Variants in DIAPH3 observed in about 807,000 individuals in gnomAD.
DIAPH3 encodes diaphanous related formin 3, also known as protein diaphanous homolog 3.
A neutral mutation model predicts 144.3 loss-of-function variants in DIAPH3; 117 were observed. The observed-to-expected ratio is 0.81, with a 90% CI of 0.70 to 0.95. The LOEUF (loss-of-function observed/expected upper bound fraction) is 0.95. Among genes scored for constraint, DIAPH3 ranks in the 40% least tolerant of loss-of-function variants. The pLI is 0.00. For synonymous variants in DIAPH3, 519 were observed against 488.9 expected, an observed-to-expected ratio of 1.06 and a Z score of -0.81; for missense variants, 1,421 against 1,412.7, an observed-to-expected ratio of 1.01 and a Z score of -0.09.
chr13:60,089,875 T>G (rs138516462), intron 4 of DIAPH3, among the ~76,000 whole-genome samples: 160 of 152,260 alleles, frequency 1.1e-3, no homozygotes, highest in African/African-American at 3.6e-3. Context: ...CCAGATTGAA[T>G]TAGAATTAAA....
intron 20 of DIAPH3, among the ~76,000 whole-genome samples, chr13:59,902,757 TG>T (rs776738488): frequency 1.3e-5 from 2 of 152,080 alleles, no homozygotes; most frequent in East Asian, 3.8e-4. Flanking sequence ...GCCTGGGCAA[TG>T]AAGTGAAACT....
At chr13:59,982,899 A>G (rs2051111147) in intron 13 of DIAPH3, among the ~76,000 whole-genome samples, 1 of 151,584 alleles carries the variant, frequency 6.6e-6, no homozygotes, top group Admixed American at 6.6e-5. Flanking sequence ...TAATAACACC[A>G]GTGACATCAG....
chr13:59,876,383 T>C lies in DIAPH3; in HGVS notation c.2607+2846A>G, dbSNP rs576208180. On this transcript the variant is annotated intron_variant, in intron 21 of 27. Transcript: ENST00000400324. ...GGGATGATCAAAATACTCAGTATCATTGCAAGAAAATAAAGTCAACTCTTT... is the reference window on the plus strand; with the variant it reads ...GGGATGATCAAAATACTCAGTATCACTGCAAGAAAATAAAGTCAACTCTTT... 3.9e-5 allele frequency among the ~76,000 whole-genome samples: 6 copies of C among 152,288 alleles called. No individual in the cohort carries two copies. In the East Asian group the frequency reaches 5.8e-4, roughly 15 times the overall value.
At chr13:59,794,405 A>G (rs2039480911) in intron 25 of DIAPH3, among the ~76,000 whole-genome samples, 1 of 152,214 alleles carries the variant, frequency 6.6e-6, no homozygotes, top group African/African-American at 2.4e-5. Flanking sequence ...TAAATATAAT[A>G]GAAGGATTTC....
intron 25 of DIAPH3, among the ~76,000 whole-genome samples, chr13:59,809,359 G>A (rs1317495350): frequency 6.6e-6 from 1 of 152,074 alleles, no homozygotes; most frequent in Non-Finnish European, 1.5e-5. Context: ...AAATTAGCCG[G>A]GCATGGTGGC....
intron 17 of DIAPH3, among the ~76,000 whole-genome samples, chr13:59,958,953 G>A (rs977832820): frequency 1.4e-5 from 2 of 140,334 alleles, no homozygotes; most frequent in Non-Finnish European, 3.0e-5. Context: ...TCGGCTCACT[G>A]CAACCTCCGC....
chr13:60,036,287 T>C (rs938779482), intron 5 of DIAPH3, among the ~76,000 whole-genome samples: 1 of 152,212 alleles, frequency 6.6e-6, no homozygotes, highest in African/African-American at 2.4e-5. Flanking sequence ...GAAGTGGATA[T>C]GCAGAACCAA....
At position 60,163,888 on chromosome 13, in the gene DIAPH3, C is replaced by G; in HGVS notation, c.-122G>C. On this transcript the variant is annotated 5_prime_UTR_variant, in exon 1 of 28. It removes the in-frame stop codon of an upstream open reading frame in the 5' UTR. Transcript: ENST00000400324. ...CCGCCACCCAAACAGTCAGCACAGC[C>G]TAGCCCAACCGCTGAAGTCGGGGCC... 7.9e-7 allele frequency: 1 copy of G among 1,261,864 alleles called. No individual in the cohort carries two copies. The highest frequency in any genetic ancestry group is 1.1e-6 in the Non-Finnish European group (1 of 932,414). The allele number at this position is 1,261,864 out of a possible 1,614,324, so 78.2% of individuals were successfully genotyped here.
At chr13:59,674,749 C>CT (rs1489927942) in intron 27 of DIAPH3, among the ~76,000 whole-genome samples, 1 of 152,208 alleles carries the variant, frequency 6.6e-6, no homozygotes, top group Non-Finnish European at 1.5e-5. Context: ...TCAAACCACA[C>CT]TTTCATGCTC....
intron 4 of DIAPH3, among the ~76,000 whole-genome samples, chr13:60,090,554 C>G (rs139173767): frequency 1.3e-5 from 2 of 152,112 alleles, no homozygotes; most frequent in Non-Finnish European, 2.9e-5. Flanking sequence ...AAAACCATAA[C>G]AAAAGTATAT....
chr13:60,064,108 A>C (rs2056871372), intron 4 of DIAPH3, among the ~76,000 whole-genome samples: 1 of 152,164 alleles, frequency 6.6e-6, no homozygotes, highest in Non-Finnish European at 1.5e-5. Context: ...GCCATCCAGC[A>C]TTTGTTGTTC....
chr13:60,022,641 T>C (rs2054109543), intron 5 of DIAPH3, among the ~76,000 whole-genome samples: 1 of 152,148 alleles, frequency 6.6e-6, no homozygotes, highest in Admixed American at 6.5e-5. Flanking sequence ...TCTCTGCCTT[T>C]TTCTTTTAAG....
chr13:59,971,185 A>G, intron 15 of DIAPH3, 25 bp from the exon 16 acceptor site: 1 of 1,550,588 alleles, frequency 6.4e-7, no homozygotes, highest in Non-Finnish European at 8.7e-7. Context: ...AATAAGAGAC[A>G]TAACTAAGAA....
chr13:59,808,599 G>A (rs1231979932), intron 25 of DIAPH3, among the ~76,000 whole-genome samples: 2 of 151,924 alleles, frequency 1.3e-5, no homozygotes, highest in Non-Finnish European at 2.9e-5. Context: ...TCTATTTATG[G>A]ACAAAAAGAT....
intron 27 of DIAPH3, among the ~76,000 whole-genome samples, chr13:59,772,140 T>C (rs1479219163): frequency 6.6e-6 from 1 of 151,988 alleles, no homozygotes; most frequent in Non-Finnish European, 1.5e-5. Flanking sequence ...AAAAAGTAGT[T>C]TTTAGAAATA....
rs200839105 is a variant in DIAPH3, at chr13:60,016,071, A to G, written c.701T>C (p.Ile234Thr). Residue 234 changes from isoleucine (I) to threonine (T), a missense_variant and splice_region_variant, in exon 6 of 28, where the codon ATC becomes ACC. Coordinates refer to ENST00000400324, the MANE Select transcript of DIAPH3 (RefSeq NM_001042517.2). ...DILEKLISGK[I>T]QEKVVKKNQH... ...GAAAATAATTATTAGCAATACTTACATTTTTCCACTAATCAGTTTTTCCAA... is the reference window on the plus strand; with the variant it reads ...GAAAATAATTATTAGCAATACTTACGTTTTTCCACTAATCAGTTTTTCCAA... The G allele has an allele frequency of 6.1e-4, 985 of 1,613,086 alleles. 1 individual carries two copies. The highest frequency in any genetic ancestry group is 8.1e-4 in the Non-Finnish European group (954 of 1,179,382).
chr13:59,811,645 G>A (rs1217245563), intron 24 of DIAPH3, among the ~76,000 whole-genome samples: 1 of 149,850 alleles, frequency 6.7e-6, no homozygotes, highest in African/African-American at 2.5e-5. Flanking sequence ...GCTGAGGCAG[G>A]AGAATGGTGT....
chr13:59,691,222 G>C (rs2138685879), intron 27 of DIAPH3, among the ~76,000 whole-genome samples: 1 of 151,940 alleles, frequency 6.6e-6, no homozygotes, highest in East Asian at 1.9e-4. Context: ...TTATCTTTTT[G>C]GATTTTCCAA....
intron 2 of DIAPH3, among the ~76,000 whole-genome samples, chr13:60,122,277 C>G (rs548232676): frequency 9.9e-5 from 15 of 152,260 alleles, no homozygotes; most frequent in Middle Eastern, 6.8e-3. Context: ...ACCTCATACC[C>G]CATCCCCTTA....
Sources: gnomAD v4.1 joint callset for allele counts (sites outside exome capture counted in the v4.1 genomes callset) on GRCh38, gnomAD v4.1.1 for gene constraint, MANE v1.5 for transcripts, NCBI Gene and HGNC (gene_info 2026-07-23, HGNC 2026-07-21) for gene names.